Variants in RGS6 observed in about 807,000 individuals in gnomAD.
The protein encoded by RGS6 is regulator of G protein signaling 6.
Under a neutral mutation model 78.5 loss-of-function variants are expected in RGS6, and 30 were observed. That is an observed-to-expected ratio of 0.38 (90% CI 0.29 to 0.52). RGS6 has a LOEUF of 0.52. RGS6 is among the 20% of genes least tolerant of loss of function. The probability of loss-of-function intolerance (pLI) is 0.85; values close to 1 mark genes in which losing one functional copy is unlikely to be tolerated. For synonymous variants in RGS6, 206 were observed against 206.0 expected, an observed-to-expected ratio of 1.00 and a Z score of 0.00; for missense variants, 495 against 609.7, an observed-to-expected ratio of 0.81 and a Z score of 1.98.
chr14:72,382,017 A>G (rs1278212016), intron 3 of RGS6, among the ~76,000 whole-genome samples: 1 of 151,778 alleles, frequency 6.6e-6, no homozygotes, highest in Non-Finnish European at 1.5e-5. Flanking sequence ...ATCCAGATGC[A>G]GAAGAATGGC....
chr14:72,026,819 C>T (rs2089958887), intron 2 of RGS6, among the ~76,000 whole-genome samples: 1 of 152,188 alleles, frequency 6.6e-6, no homozygotes, highest in African/African-American at 2.4e-5. Flanking sequence ...TTTGAAAAAA[C>T]AAGCACACAT....
At chr14:72,071,701 G>GT (rs2094413752) in intron 2 of RGS6, among the ~76,000 whole-genome samples, 1 of 152,060 alleles carries the variant, frequency 6.6e-6, no homozygotes, top group African/African-American at 2.4e-5. Flanking sequence ...GGTCATTTAG[G>GT]TACTTATGCA....
At chr14:71,970,892 G>A (rs1566932286) in intron 2 of RGS6, among the ~76,000 whole-genome samples, 1 of 152,112 alleles carries the variant, frequency 6.6e-6, no homozygotes, top group Admixed American at 6.5e-5. Context: ...ACATCCAGAG[G>A]ATTTGGCACC....
chr14:72,448,975 C>T (rs546368387), intron 3 of RGS6, among the ~76,000 whole-genome samples: 1 of 152,230 alleles, frequency 6.6e-6, no homozygotes, highest in South Asian at 2.1e-4. Context: ...GTCAAGTGCC[C>T]AGCTCTGGCC....
chr14:72,084,836 T>C (rs192055759), intron 2 of RGS6, among the ~76,000 whole-genome samples: 1 of 152,334 alleles, frequency 6.6e-6, no homozygotes, highest in Admixed American at 6.5e-5. Flanking sequence ...GCTGCTCATG[T>C]TCCTGAAGAG....
At chr14:71,915,142 C>T in the RGS6 span, among the ~76,000 whole-genome samples, 1 of 151,570 alleles carries the variant, frequency 6.6e-6, no homozygotes, top group South Asian at 2.1e-4. Flanking sequence ...CCTGTAGTCC[C>T]AGCTACTCAG....
intron 2 of RGS6, among the ~76,000 whole-genome samples, chr14:72,314,941 C>A (rs142214167): frequency 6.6e-6 from 1 of 152,230 alleles, no homozygotes; most frequent in Non-Finnish European, 1.5e-5. Flanking sequence ...TAGAAACACA[C>A]GACCAGAAAT....
intron 3 of RGS6, among the ~76,000 whole-genome samples, chr14:72,439,053 T>G (rs999719246): frequency 6.6e-6 from 1 of 152,216 alleles, no homozygotes; most frequent in Admixed American, 6.5e-5. Flanking sequence ...TCCTGAGTTC[T>G]TTATTCTCAA....
At chr14:72,019,404 C>T (rs187415756) in intron 2 of RGS6, among the ~76,000 whole-genome samples, 28 of 152,266 alleles carry the variant, frequency 1.8e-4, no homozygotes, top group African/African-American at 6.3e-4. Flanking sequence ...TGAGAATTAG[C>T]AATTTTTTTC....
chr14:71,936,935 T>G (rs1186774162), intron 1 of RGS6, among the ~76,000 whole-genome samples: 1 of 152,218 alleles, frequency 6.6e-6, no homozygotes, highest in East Asian at 1.9e-4. Context: ...GCAGGTTCTT[T>G]TCCCTGGTGG....
intron 3 of RGS6, among the ~76,000 whole-genome samples, chr14:72,415,538 C>T (rs971466206): frequency 1.3e-5 from 2 of 152,228 alleles, no homozygotes; most frequent in Non-Finnish European, 2.9e-5. Context: ...TGCGCTGCAC[C>T]CACTGTCCTG....
chr14:72,253,979 C>T (rs763647622), intron 2 of RGS6, among the ~76,000 whole-genome samples: 1 of 152,180 alleles, frequency 6.6e-6, no homozygotes, highest in Non-Finnish European at 1.5e-5. Flanking sequence ...TTCTTTGTTA[C>T]TGACTTCTTT....
the RGS6 span, among the ~76,000 whole-genome samples, chr14:72,579,000 G>A: frequency 4.4e-3 from 667 of 152,232 alleles, 7 homozygotes; most frequent in African/African-American, 0.015. Context: ...TTAGGAAAAA[G>A]TATCAACCTG....
the RGS6 span, among the ~76,000 whole-genome samples, chr14:71,918,038 G>A: frequency 1.3e-5 from 2 of 151,526 alleles, no homozygotes; most frequent in Admixed American, 6.6e-5. Context: ...AAAATTAGCC[G>A]GGCGTGGTGG....
At chr14:72,062,767 A>C (rs2093955542) in intron 2 of RGS6, among the ~76,000 whole-genome samples, 1 of 152,178 alleles carries the variant, frequency 6.6e-6, no homozygotes, top group Admixed American at 6.5e-5. Context: ...GACTGGAGAT[A>C]GGCGGTTGGT....
At chr14:72,023,542 CA>C (rs1305072549) in intron 2 of RGS6, among the ~76,000 whole-genome samples, 92 of 152,346 alleles carry the variant, frequency 6.0e-4, no homozygotes, top group African/African-American at 2.1e-3. Flanking sequence ...TGAGAGAAGG[CA>C]ACTGGAACGT....
chr14:72,295,203 A>G (rs847335), intron 2 of RGS6, among the ~76,000 whole-genome samples: 72,350 of 149,006 alleles, frequency 0.49, 17,823 homozygotes, highest in South Asian at 0.56. Flanking sequence ...AGGCAGGAGA[A>G]TGGCGTGAAC....
chr14:71,975,147 T>C (rs1022399750), intron 2 of RGS6, among the ~76,000 whole-genome samples: 4 of 152,174 alleles, frequency 2.6e-5, no homozygotes, highest in African/African-American at 9.7e-5. Flanking sequence ...GAGTGAGGCA[T>C]GGTTTCAAAG....
intron 3 of RGS6, among the ~76,000 whole-genome samples, chr14:72,372,298 CT>C (rs1160028370): frequency 2.6e-5 from 4 of 152,154 alleles, no homozygotes; most frequent in Non-Finnish European, 5.9e-5. Flanking sequence ...CAAATAAAGT[CT>C]AATTCTACCA....
Sources: allele counts gnomAD v4.1 joint callset (sites outside exome capture counted in the v4.1 genomes callset), GRCh38; gene constraint gnomAD v4.1.1; transcripts MANE v1.5; gene names NCBI Gene and HGNC (gene_info 2026-07-23, HGNC 2026-07-21).